DDR2: variants seen among roughly 807,000 people sequenced by gnomAD.
The protein encoded by DDR2 is discoidin domain-containing receptor 2.
Under a neutral mutation model 94.9 loss-of-function variants are expected in DDR2, and 27 were observed. The ratio of observed to expected loss-of-function variants is 0.28; its 90% CI spans 0.21 to 0.39. The LOEUF (loss-of-function observed/expected upper bound fraction) is 0.39. DDR2 is among the 10% of genes least tolerant of loss of function. The pLI is 1.00. For missense variants in DDR2, 783 were observed against 1,076.0 expected (o/e 0.73, Z 3.81); for synonymous variants, 382 against 377.2 (o/e 1.01, Z -0.15).
intron 1 of DDR2, among the ~76,000 whole-genome samples, chr1:162,646,164 T>C (rs530709164): frequency 6.6e-6 from 1 of 152,322 alleles, no homozygotes; most frequent in South Asian, 2.1e-4. Flanking sequence ...GGCAGTGAAA[T>C]TGCATGATGG....
chr1:162,715,623 C>T (rs1488860215), intron 2 of DDR2, among the ~76,000 whole-genome samples: 1 of 152,112 alleles, frequency 6.6e-6, no homozygotes, highest in Non-Finnish European at 1.5e-5. Context: ...ACAACAAAAA[C>T]CCATGTGGAT....
intron 2 of DDR2, among the ~76,000 whole-genome samples, chr1:162,657,957 A>G (rs1326120126): frequency 1.3e-5 from 2 of 149,312 alleles, no homozygotes; most frequent in African/African-American, 5.0e-5. Flanking sequence ...CTCTTTCTCC[A>G]TTTTCTTCTC....
intron 1 of DDR2, among the ~76,000 whole-genome samples, chr1:162,644,285 C>T (rs1198364874): frequency 2.0e-5 from 3 of 152,090 alleles, no homozygotes; most frequent in Non-Finnish European, 1.5e-5. Context: ...CTGAAGCCTC[C>T]ATAAGGTCTT....
At chr1:162,703,782 G>A (rs573747050) in intron 2 of DDR2, among the ~76,000 whole-genome samples, 5 of 152,134 alleles carry the variant, frequency 3.3e-5, no homozygotes, top group African/African-American at 1.2e-4. Flanking sequence ...TGGTTTTCAC[G>A]TCTAATGGAT....
At chr1:162,640,677 A>C (rs1011495529) in intron 1 of DDR2, among the ~76,000 whole-genome samples, 1 of 152,156 alleles carries the variant, frequency 6.6e-6, no homozygotes, top group Non-Finnish European at 1.5e-5. Context: ...TTTGTTTTTC[A>C]GATAAGTACC....
intron 3 of DDR2, among the ~76,000 whole-genome samples, chr1:162,740,311 T>C (rs544229040): frequency 6.6e-6 from 1 of 152,330 alleles, no homozygotes; most frequent in Non-Finnish European, 1.5e-5. Context: ...TCAAAATGCT[T>C]GCTTTTGTTG....
At chr1:162,751,010 G>C (rs1166867398) in intron 3 of DDR2, among the ~76,000 whole-genome samples, 1 of 152,168 alleles carries the variant, frequency 6.6e-6, no homozygotes, top group African/African-American at 2.4e-5. Context: ...ATGGATCAAA[G>C]ACTTAAATGT....
chr1:162,724,585 C>T (rs1661571487), intron 3 of DDR2, among the ~76,000 whole-genome samples: 1 of 152,160 alleles, frequency 6.6e-6, no homozygotes, highest in Non-Finnish European at 1.5e-5. Context: ...GTTAATTCAC[C>T]TACACATATT....
rs567516264 is a variant in DDR2 at position 162,674,393 on chromosome 1, G to C, written c.-28+19019G>C. On this transcript the variant is annotated intron_variant, in intron 2 of 17. Coordinates refer to ENST00000367921, the MANE Select transcript of DDR2 (RefSeq NM_006182.4). ...GCAATTTGCATGCTCTTAATTCACG[G>C]ATGGATTACCTAGCACTTAACACAG... Among the ~76,000 whole-genome samples, 4 of 152,274 alleles carry C rather than the reference G, an allele frequency of 2.6e-5. No homozygotes were observed. The South Asian group carries it at 8.3e-4, about 32-fold the overall frequency.
intron 3 of DDR2, among the ~76,000 whole-genome samples, chr1:162,722,555 T>C (rs1661470749): frequency 6.6e-6 from 1 of 152,188 alleles, no homozygotes; most frequent in Admixed American, 6.5e-5. Flanking sequence ...ATCAAACAAA[T>C]AATCATCCCA....
chr1:162,728,113 A>G (rs1661804515), intron 3 of DDR2, among the ~76,000 whole-genome samples: 3 of 144,140 alleles, frequency 2.1e-5, no homozygotes, highest in South Asian at 4.3e-4. Flanking sequence ...ATATCTATAT[A>G]TAGATATAAT....
At position 162,722,088 on chromosome 1, in the gene DDR2, TA is replaced by T. The variant is rs368659865; in HGVS notation, c.82+2950del. On this transcript the variant is annotated intron_variant, in intron 3 of 17. Coordinates refer to ENST00000367921, the MANE Select transcript of DDR2 (RefSeq NM_006182.4). ...GAGGATAAATAATCTTGTTTACATT[TA>T]AAAAAACTCTCTAGTATTTGAAATC... Among the ~76,000 whole-genome samples the T allele has an allele frequency of 3.9e-3, 591 of 152,214 alleles. 2 individuals carry two copies. The highest frequency in any genetic ancestry group is 0.014 in the African/African-American group (571 of 41,520).
chr1:162,759,694 T>A, intron 7 of DDR2, 102 bp from the exon 8 acceptor site: 1 of 1,354,216 alleles, frequency 7.4e-7, no homozygotes. Flanking sequence ...AATAAGCTCA[T>A]ACAAAATCTG....
chr1:162,693,907 T>A (rs1660066756), intron 2 of DDR2, among the ~76,000 whole-genome samples: 1 of 152,194 alleles, frequency 6.6e-6, no homozygotes, highest in Non-Finnish European at 1.5e-5. Flanking sequence ...CATATTTGAA[T>A]CAAATCATGA....
intron 14 of DDR2, 87 bp from the exon 15 acceptor site, chr1:162,775,565 C>A: frequency 7.0e-7 from 1 of 1,434,382 alleles, no homozygotes; most frequent in Non-Finnish European, 9.8e-7. Context: ...GCATAATGTC[C>A]AGGAATAGGC....
intron 2 of DDR2, among the ~76,000 whole-genome samples, chr1:162,683,690 G>GAAGGCTACAAAGACTGATGAAAGAAATAA (rs1431516767): frequency 1.5e-3 from 221 of 152,086 alleles, no homozygotes; most frequent in African/African-American, 4.8e-3. Context: ...CTTGTATGTT[G>GAAGGCTACAAAGACTGATGAAAGAAATAA]AAGGCTACAA....
Position 162,782,960 on chromosome 1 carries a change from A to C in DDR2, c.*2714A>C, listed in dbSNP as rs776801401. ...TAGTTTCTAGCTTAGTCATGCCTTT[A>C]GAGTTTAGTAGCACAAATCCATGCA... On this transcript the variant is annotated 3_prime_UTR_variant, in exon 18 of 18. Transcript: ENST00000367921. 1 of 152,158 alleles carries C rather than the reference A, an allele frequency of 6.6e-6. No homozygotes were observed. Among genetic ancestry groups the C allele is most frequent in the Non-Finnish European group, 1.5e-5 (1 of 68,018 alleles). 9.4% of individuals were successfully genotyped at this position (152,158 alleles called of 1,614,324 possible).
chr1:162,714,517 C>A (rs922309518), intron 2 of DDR2, among the ~76,000 whole-genome samples: 1 of 152,178 alleles, frequency 6.6e-6, no homozygotes, highest in Non-Finnish European at 1.5e-5. Flanking sequence ...CCCACCTTCT[C>A]ATGTAGTACA....
chr1:162,765,590 T>A (rs1456377924), intron 9 of DDR2, among the ~76,000 whole-genome samples: 3 of 151,976 alleles, frequency 2.0e-5, no homozygotes, highest in Admixed American at 2.0e-4. Context: ...TGGAGACTCT[T>A]TTATAAACAA....
Sources: allele counts gnomAD v4.1 joint callset (sites outside exome capture counted in the v4.1 genomes callset), GRCh38; gene constraint gnomAD v4.1.1; transcripts MANE v1.5; gene names NCBI Gene and HGNC (gene_info 2026-07-23, HGNC 2026-07-21).